MECOM: variants seen among roughly 807,000 people sequenced by gnomAD.
MECOM encodes the protein MDS1 and EVI1 complex locus.
Under a neutral mutation model 116.3 loss-of-function variants are expected in MECOM, and 13 were observed. The ratio of observed to expected loss-of-function variants is 0.11; its 90% confidence interval spans 0.07 to 0.18. MECOM has a LOEUF of 0.18. MECOM is among the 10% of genes least tolerant of loss of function. The pLI, the probability that MECOM is intolerant of heterozygous loss-of-function variation, is 1.00. For synonymous variants in MECOM, 528 were observed against 535.2 expected, an observed-to-expected ratio of 0.99 and a Z score of 0.19; for missense variants, 1,299 against 1,509.0, an observed-to-expected ratio of 0.86 and a Z score of 2.31.
At chr3:169,650,567 G>A (rs1464734783) in intron 1 of MECOM, among the ~76,000 whole-genome samples, 2 of 152,098 alleles carry the variant, frequency 1.3e-5, no homozygotes, top group Non-Finnish European at 2.9e-5. Flanking sequence ...GCTTGAAATA[G>A]CACAGATATA....
At chr3:169,454,471 T>A (rs1306989140) in intron 1 of MECOM, among the ~76,000 whole-genome samples, 1 of 150,712 alleles carries the variant, frequency 6.6e-6, no homozygotes, top group Admixed American at 6.6e-5. Flanking sequence ...CTGCTAAGAA[T>A]CAAAAGTACA....
At chr3:169,123,207 T>A (rs1253924259) in intron 5 of MECOM, among the ~76,000 whole-genome samples, 1 of 151,122 alleles carries the variant, frequency 6.6e-6, no homozygotes, top group Non-Finnish European at 1.5e-5. Context: ...AAACAGAAAA[T>A]GCTTAAAAGT....
At chr3:169,215,443 G>C (rs1007071270) in intron 2 of MECOM, among the ~76,000 whole-genome samples, 1 of 151,950 alleles carries the variant, frequency 6.6e-6, no homozygotes, top group East Asian at 1.9e-4. Flanking sequence ...GTGAGTTTTT[G>C]CCATATCCTA....
chr3:169,485,964 C>CATATATACTA (rs1560340637), intron 1 of MECOM, among the ~76,000 whole-genome samples: 1 of 94,392 alleles, frequency 1.1e-5, no homozygotes, highest in Admixed American at 1.2e-4. Context: ...TACATATATA[C>CATATATACTA]TATATATACA....
chr3:169,307,224 A>G (rs940106597), intron 2 of MECOM, among the ~76,000 whole-genome samples: 2 of 152,052 alleles, frequency 1.3e-5, no homozygotes, highest in Admixed American at 6.5e-5. Flanking sequence ...CCCCTTTGCA[A>G]TCTATTACCA....
chr3:169,254,349 C>T (rs747667642), intron 2 of MECOM, among the ~76,000 whole-genome samples: 7 of 152,126 alleles, frequency 4.6e-5, no homozygotes, highest in Non-Finnish European at 8.8e-5. Flanking sequence ...TGCTCTAGCC[C>T]TGTTCTCTGA....
chr3:169,449,305 G>A (rs1745164910), intron 1 of MECOM, among the ~76,000 whole-genome samples: 1 of 152,234 alleles, frequency 6.6e-6, no homozygotes, highest in African/African-American at 2.4e-5. Flanking sequence ...TGCTGTCATA[G>A]CAAAGCCTGA....
At chr3:169,334,017 TTTTC>T (rs1723175266) in intron 2 of MECOM, among the ~76,000 whole-genome samples, 1 of 152,038 alleles carries the variant, frequency 6.6e-6, no homozygotes, top group South Asian at 2.1e-4. Flanking sequence ...CTTCTGAGTG[TTTTC>T]TTTCTTTTAA....
At position 169,510,719 on chromosome 3, in the gene MECOM, G is replaced by A. The variant is rs139571858; in HGVS notation, c.38-129195C>T. ...TAAACCAGAGGTAGAGGGCTGATCC[G>A]AGAGATAGCTTTCAGAGCAGAAAAA... On this transcript the variant is annotated intron_variant, in intron 1 of 16. Coordinates refer to ENST00000651503, the MANE Select transcript of MECOM (RefSeq NM_004991.4). 3.9e-3 allele frequency among the ~76,000 whole-genome samples: 599 copies of A among 152,282 alleles called. 2 individuals are homozygous for A. Among genetic ancestry groups the A allele is most frequent in the Non-Finnish European group, 6.7e-3 (458 of 68,028 alleles).
intron 1 of MECOM, among the ~76,000 whole-genome samples, chr3:169,610,131 C>A (rs1463581824): frequency 6.6e-6 from 1 of 152,142 alleles, no homozygotes; most frequent in African/African-American, 2.4e-5. Context: ...AACTACTCCA[C>A]TTATTTTTAT....
rs140546960 is a variant in MECOM, at chr3:169,294,004, T to A, written c.375+87183A>T. On this transcript the variant is annotated intron_variant, in intron 2 of 16. Coordinates refer to ENST00000651503, the MANE Select transcript of MECOM (RefSeq NM_004991.4). ...ATTCTAACATTTCCTCTTTCTAACCTTGCTCTATCATGTCAACTAGAAACT... is the reference window on the plus strand; with the variant it reads ...ATTCTAACATTTCCTCTTTCTAACCATGCTCTATCATGTCAACTAGAAACT... Among the ~76,000 whole-genome samples, 524 of 152,338 alleles carry A rather than the reference T, an allele frequency of 3.4e-3. 2 individuals are homozygous for A. The highest frequency in any genetic ancestry group is 0.012 in the African/African-American group (504 of 41,576).
chr3:169,217,183 G>C (rs1436585948), intron 2 of MECOM, among the ~76,000 whole-genome samples: 1 of 152,080 alleles, frequency 6.6e-6, no homozygotes, highest in African/African-American at 2.4e-5. Flanking sequence ...GACTACATGG[G>C]TTTGTATTAA....
At chr3:169,112,499 T>C (rs1727747637) in intron 9 of MECOM, among the ~76,000 whole-genome samples, 2 of 152,170 alleles carry the variant, frequency 1.3e-5, no homozygotes, top group Non-Finnish European at 2.9e-5. Context: ...ATCTTGGATA[T>C]TTATTTTCTT....
chr3:169,385,048 G>A (rs753729514), intron 1 of MECOM, among the ~76,000 whole-genome samples: 1 of 140,692 alleles, frequency 7.1e-6, no homozygotes, highest in Non-Finnish European at 1.5e-5. Context: ...AGGTTGCAGT[G>A]AGCCGAGATC....
At chr3:169,362,657 G>T (rs1728494395) in intron 2 of MECOM, among the ~76,000 whole-genome samples, 1 of 151,950 alleles carries the variant, frequency 6.6e-6, no homozygotes, top group Non-Finnish European at 1.5e-5. Flanking sequence ...CTGCCCAAGA[G>T]AAAGAACAAC....
chr3:169,648,150 C>T (rs963530500), intron 1 of MECOM, among the ~76,000 whole-genome samples: 1 of 152,138 alleles, frequency 6.6e-6, no homozygotes. Context: ...TAGAAGGAAA[C>T]AAATGTCACA....
At chr3:169,554,549 T>C (rs992504722) in intron 1 of MECOM, among the ~76,000 whole-genome samples, 1 of 152,198 alleles carries the variant, frequency 6.6e-6, no homozygotes, top group Non-Finnish European at 1.5e-5. Context: ...GCAGAGGTCT[T>C]TTAGTGTAAG....
At chr3:169,584,732 A>C (rs560086768) in intron 1 of MECOM, among the ~76,000 whole-genome samples, 1 of 152,322 alleles carries the variant, frequency 6.6e-6, no homozygotes, top group Non-Finnish European at 1.5e-5. Flanking sequence ...TTAACAAGTG[A>C]GTATGACATT....
At chr3:169,416,091 A>G (rs1419257578) in intron 1 of MECOM, among the ~76,000 whole-genome samples, 1 of 152,104 alleles carries the variant, frequency 6.6e-6, no homozygotes, top group East Asian at 1.9e-4. Context: ...AGCAACACAT[A>G]GCACTTATTC....
Sources: gnomAD v4.1 joint callset for allele counts (sites outside exome capture counted in the v4.1 genomes callset) on GRCh38, gnomAD v4.1.1 for gene constraint, MANE v1.5 for transcripts, NCBI Gene and HGNC (gene_info 2026-07-23, HGNC 2026-07-21) for gene names.